Variants in TBPL1 observed in about 807,000 individuals in gnomAD.
TBPL1 encodes TATA-box binding protein like 1.
TBPL1 carries 4 observed loss-of-function variants against 22.1 expected under a neutral mutation model. That is an observed-to-expected ratio of 0.18 (90% CI 0.09 to 0.41). The LOEUF (loss-of-function observed/expected upper bound fraction) is 0.41, where lower values mean the gene tolerates loss of function less well. TBPL1 is among the 10% of genes least tolerant of loss of function. The pLI is 1.00. For missense variants in TBPL1, 115 were observed against 222.3 expected (o/e 0.52, Z 3.07); for synonymous variants, 64 against 71.0 (o/e 0.90, Z 0.50).
intron 1 of TBPL1, among the ~76,000 whole-genome samples, chr6:133,963,414 G>T (rs566167150): frequency 2.9e-4 from 44 of 152,156 alleles, no homozygotes; most frequent in South Asian, 2.1e-3. Context: ...TGTTTCTGTT[G>T]TTTTGTCTTT....
At chr6:133,975,559 T>C (rs1212558199) in intron 1 of TBPL1, among the ~76,000 whole-genome samples, 4 of 152,154 alleles carry the variant, frequency 2.6e-5, no homozygotes, top group African/African-American at 4.8e-5. Context: ...CTAATGAGTC[T>C]AGTATAATCT....
At chr6:133,986,352 A>G (rs925176191) in intron 6 of TBPL1, among the ~76,000 whole-genome samples, 2 of 152,214 alleles carry the variant, frequency 1.3e-5, no homozygotes, top group African/African-American at 4.8e-5. Context: ...TTACATTTTT[A>G]TAAAGTTGTT....
chr6:133,989,466 T>C lies in TBPL1; in HGVS notation c.*2426T>C, dbSNP rs1416630792. 6.6e-6 allele frequency: 1 copy of C among 152,158 alleles called. No individual in the cohort carries two copies. The highest frequency in any genetic ancestry group is 1.5e-5 in the Non-Finnish European group (1 of 68,024). 9.4% of individuals were successfully genotyped at this position (152,158 alleles called of 1,614,324 possible). ...AATGAAGGGCTAAACAAAAAATACC[T>C]GAAGTATATATAGAGTTTGAACTAT... On this transcript the variant is annotated 3_prime_UTR_variant, in exon 7 of 7. Transcript: ENST00000237264.
chr6:133,970,799 C>CA (rs1276674292), intron 1 of TBPL1, among the ~76,000 whole-genome samples: 1 of 152,052 alleles, frequency 6.6e-6, no homozygotes. Flanking sequence ...TTGAGTCTAT[C>CA]TGTGTTGCCC....
intron 1 of TBPL1, among the ~76,000 whole-genome samples, chr6:133,954,875 C>T (rs1006910578): frequency 6.6e-6 from 1 of 152,236 alleles, no homozygotes; most frequent in African/African-American, 2.4e-5. Flanking sequence ...TGGCTTGTTC[C>T]TGAATGAGGG....
rs558879700 is a variant in TBPL1, at chr6:133,982,168, A to G, written c.136-400A>G. The stretch of plus-strand genomic sequence containing the variant: ...TAAGAGACCTGAATGAAGTGAGAAT[A>G]TTGAGGGGATAATATTCCAAATGAA... On this transcript the variant is annotated intron_variant, in intron 2 of 6. Coordinates refer to ENST00000237264, the MANE Select transcript of TBPL1 (RefSeq NM_004865.4). Among the ~76,000 whole-genome samples the G allele has an allele frequency of 2.6e-5, 4 of 152,316 alleles. No individual in the cohort carries two copies. The East Asian group carries it at 7.7e-4, about 29-fold the overall frequency.
intron 1 of TBPL1, among the ~76,000 whole-genome samples, chr6:133,965,731 A>G (rs369001184): frequency 6.6e-6 from 1 of 151,920 alleles, no homozygotes. Flanking sequence ...AAGGAATATG[A>G]TTTGCTTTTG....
chr6:133,957,840 A>G (rs1409236419), intron 1 of TBPL1, among the ~76,000 whole-genome samples: 1 of 152,258 alleles, frequency 6.6e-6, no homozygotes, highest in African/African-American at 2.4e-5. Flanking sequence ...AACTTTAGTT[A>G]AAAGCTTTAA....
intron 1 of TBPL1, among the ~76,000 whole-genome samples, chr6:133,969,756 A>G (rs961263929): frequency 7.2e-5 from 11 of 152,238 alleles, no homozygotes; most frequent in African/African-American, 2.4e-4. Context: ...GTTAGACCTT[A>G]GTGCATCTAA....
rs1229115887 is a variant in TBPL1, at chr6:133,953,339, C to T, written c.-131C>T. 1.3e-5 allele frequency: 2 copies of T among 152,932 alleles called. No homozygotes were observed. The highest frequency in any genetic ancestry group is 1.9e-4 in the East Asian group (1 of 5,188). 9.5% of individuals were successfully genotyped at this position (152,932 alleles called of 1,614,324 possible). ...GGGAGCGCGCCCGTCTCATCCTCATCCTTGTCCTCCAGCTTCTCCTTCGCA... is the reference window on the plus strand; with the variant it reads ...GGGAGCGCGCCCGTCTCATCCTCATTCTTGTCCTCCAGCTTCTCCTTCGCA... On this transcript the variant is annotated 5_prime_UTR_variant, in exon 1 of 7. Transcript: ENST00000237264.
At position 133,977,014 on chromosome 6, in the gene TBPL1, G is replaced by A. The variant is rs116347436; in HGVS notation, c.-44-3068G>A. On this transcript the variant is annotated intron_variant, in intron 1 of 6. Coordinates refer to ENST00000237264, the MANE Select transcript of TBPL1 (RefSeq NM_004865.4). ...AAAGAAATTGAGATTTGTCTGTTTC[G>A]TTGGACTGTCATTCTAATTATCCTA... is the stretch of plus-strand genomic sequence containing the variant. 3.3e-3 allele frequency among the ~76,000 whole-genome samples: 494 copies of A among 151,300 alleles called. 1 individual carries two copies. The highest frequency in any genetic ancestry group is 0.01 in the African/African-American group (426 of 41,306).
chr6:133,990,383 T>C lies in TBPL1; in HGVS notation c.*3343T>C, dbSNP rs1473261119. ...CCTAATGGCCTGACTCCTTTTCTAA[T>C]GTTTTACTAACAGCTACTTCTAAAT... On this transcript the variant is annotated 3_prime_UTR_variant, in exon 7 of 7. Transcript: ENST00000237264. 2 of 152,636 alleles carry C rather than the reference T, an allele frequency of 1.3e-5. No individual in the cohort carries two copies. Among genetic ancestry groups the C allele is most frequent in the Non-Finnish European group, 2.9e-5 (2 of 68,038 alleles). The allele number at this position is 152,636 out of a possible 1,614,324, so 9.5% of individuals were successfully genotyped here. A position where few individuals can be genotyped will look rare whatever the true frequency, so the allele number is the denominator to read the frequency against.
chr6:133,974,528 C>T (rs1020352401), intron 1 of TBPL1, among the ~76,000 whole-genome samples: 1 of 152,126 alleles, frequency 6.6e-6, no homozygotes, highest in African/African-American at 2.4e-5. Context: ...GGGGTTTCAC[C>T]GTGTTGGTCA....
intron 1 of TBPL1, among the ~76,000 whole-genome samples, chr6:133,955,482 T>C (rs1024712214): frequency 6.6e-6 from 1 of 152,130 alleles, no homozygotes. Context: ...TTCATTAATG[T>C]GATTTTATCT....
At position 133,988,453 on chromosome 6, in the gene TBPL1, C is replaced by T. The variant is rs958638869; in HGVS notation, c.*1413C>T. 1.3e-5 allele frequency: 2 copies of T among 152,132 alleles called. No individual in the cohort carries two copies. Among genetic ancestry groups the T allele is most frequent in the Admixed American group, 1.3e-4 (2 of 15,272 alleles). 9.4% of individuals were successfully genotyped at this position (152,132 alleles called of 1,614,324 possible). On this transcript the variant is annotated 3_prime_UTR_variant, in exon 7 of 7. Coordinates refer to ENST00000237264, the MANE Select transcript of TBPL1 (RefSeq NM_004865.4). ...GGGGACAATATTCCAACACAATGTT[C>T]CACAAAAACTTGTATTTCCAAAATG...
chr6:133,982,828 C>G lies in TBPL1; in HGVS notation c.230C>G (p.Ala77Gly). 1 of 1,610,962 alleles carries G rather than the reference C, an allele frequency of 6.2e-7. No individual in the cohort carries two copies. Among genetic ancestry groups the G allele is most frequent in the African/African-American group, 1.3e-5 (1 of 74,794 alleles). ...CCTTAAAACCGTAGTGAAGAAGAAG[C>G]TAAATTTGGTGCCAGACGCTTAGCC... ...ICTGATSEEE[A>G]KFGARRLARS... The change falls in exon 4 of 7, where the codon GCT (alanine) becomes GGT (glycine). Residue 77 changes from alanine (A) to glycine (G), a missense_variant. Transcript: ENST00000237264.
rs370782917 is a variant in TBPL1 at position 133,984,496 on chromosome 6, A to G, written c.386+17A>G. On this transcript the variant is annotated intron_variant, in intron 5 of 6. Coordinates refer to ENST00000237264, the MANE Select transcript of TBPL1 (RefSeq NM_004865.4). The stretch of plus-strand genomic sequence containing the variant: ...TCATGCCAGGTAAGTCTTTGAAGCA[A>G]TTTATCTTGAGAAATTACCAAATTT... 8.1e-6 allele frequency: 13 copies of G among 1,612,336 alleles called. No homozygotes were observed. The highest frequency in any genetic ancestry group is 5.0e-5 in the Admixed American group (3 of 59,844).
At chr6:133,952,307 G>T (rs901282676), upstream of TBPL1, 4 of 152,430 alleles carry the variant, frequency 2.6e-5, no homozygotes, top group African/African-American at 9.6e-5. This position sits in a 1 kb window ranked among gnomAD's most constrained non-coding sequence, Gnocchi z 4.5. Flanking sequence ...CCCCTGCAGG[G>T]CTACTTGGGC....
chr6:133,977,699 A>T (rs1776338533), intron 1 of TBPL1, among the ~76,000 whole-genome samples: 1 of 152,224 alleles, frequency 6.6e-6, no homozygotes, highest in African/African-American at 2.4e-5. Flanking sequence ...ATCCAACATG[A>T]GGGAAACTGA....
Sources: allele counts gnomAD v4.1 joint callset (sites outside exome capture counted in the v4.1 genomes callset), GRCh38; gene constraint gnomAD v4.1.1; non-coding constraint Gnocchi (gnomAD v3.1); transcripts MANE v1.5; gene names NCBI Gene and HGNC (gene_info 2026-07-23, HGNC 2026-07-21).